Variants in CSMD1 observed in about 807,000 individuals in gnomAD.
The protein encoded by CSMD1 is CUB and sushi domain-containing protein 1.
Under a neutral mutation model 417.5 loss-of-function variants are expected in CSMD1, and 213 were observed. The observed-to-expected ratio is 0.51, with a 90% CI of 0.46 to 0.57. The LOEUF (loss-of-function observed/expected upper bound fraction) is 0.57. Ranked by LOEUF, CSMD1 falls within the 20% of genes least tolerant of loss-of-function variation. CSMD1 has a pLI of 0.00. For missense variants in CSMD1, 6,923 were observed against 4,529.7 expected (o/e 1.53, Z -15.17); for synonymous variants, 2,862 against 1,736.8 (o/e 1.65, Z -16.11).
chr8:4,881,212 A>G (rs12548031), intron 1 of CSMD1, among the ~76,000 whole-genome samples: 1,575 of 152,188 alleles, frequency 0.01, 12 homozygotes, highest in Non-Finnish European at 0.018. Flanking sequence ...TAAATTATAC[A>G]TAGGTCCATT....
chr8:4,924,760 T>C (rs931507785), intron 1 of CSMD1, among the ~76,000 whole-genome samples: 2 of 150,752 alleles, frequency 1.3e-5, no homozygotes, highest in Non-Finnish European at 3.0e-5. Flanking sequence ...CAAAAAACTT[T>C]TATAAACATT....
intron 65 of CSMD1, among the ~76,000 whole-genome samples, chr8:2,951,643 T>A (rs1186606488): frequency 3.3e-5 from 5 of 152,160 alleles, no homozygotes; most frequent in Admixed American, 6.5e-5. Flanking sequence ...ACCCATGAAA[T>A]CACTACTGAT....
chr8:3,955,338 C>CACAGAA (rs965674720), intron 5 of CSMD1, among the ~76,000 whole-genome samples: 3 of 152,160 alleles, frequency 2.0e-5, no homozygotes, highest in African/African-American at 7.2e-5. Flanking sequence ...CATGTTACGC[C>CACAGAA]ACAGAAACAA....
At chr8:3,989,752 A>T (rs868571012) in intron 5 of CSMD1, among the ~76,000 whole-genome samples, 1 of 152,212 alleles carries the variant, frequency 6.6e-6, no homozygotes, top group African/African-American at 2.4e-5. Flanking sequence ...GGGAAACGCT[A>T]ATGTTCTAGG....
chr8:3,666,678 G>A (rs1043569021), intron 7 of CSMD1, among the ~76,000 whole-genome samples: 1 of 152,148 alleles, frequency 6.6e-6, no homozygotes, highest in Non-Finnish European at 1.5e-5. Flanking sequence ...TCTCATGGTA[G>A]TGAATAAGTC....
At chr8:4,393,233 C>G (rs570008211) in intron 3 of CSMD1, among the ~76,000 whole-genome samples, 3 of 152,104 alleles carry the variant, frequency 2.0e-5, no homozygotes, top group Admixed American at 2.0e-4. Context: ...ACATCAGCCT[C>G]CCAAAGTGCT....
rs145149464 is a variant in CSMD1, at chr8:4,535,947, C to A, written c.302+101395G>T. Among the ~76,000 whole-genome samples, 681 of 152,160 alleles carry A rather than the reference C, an allele frequency of 4.5e-3. 4 individuals carry two copies. Among genetic ancestry groups the A allele is most frequent in the Non-Finnish European group, 6.9e-3 (467 of 68,016 alleles). ...ATAATAAGAATTGAGAAACTTAGAT[C>A]TTAACAATGTTGATGTAATTATTTG... On this transcript the variant is annotated intron_variant, in intron 2 of 69. Coordinates refer to ENST00000635120, the MANE Select transcript of CSMD1 (RefSeq NM_033225.6).
At chr8:4,450,562 G>T (rs1799081477) in intron 2 of CSMD1, among the ~76,000 whole-genome samples, 1 of 152,110 alleles carries the variant, frequency 6.6e-6, no homozygotes, top group African/African-American at 2.4e-5. Context: ...TTGAACCCGG[G>T]AGGCAGAGGT....
intron 10 of CSMD1, among the ~76,000 whole-genome samples, chr8:3,533,238 A>G (rs887787098): frequency 6.6e-6 from 1 of 152,212 alleles, no homozygotes; most frequent in Non-Finnish European, 1.5e-5. Context: ...CATTATTTTT[A>G]TTGATAAGGA....
At chr8:3,233,665 T>TC (rs1055204548) in intron 26 of CSMD1, among the ~76,000 whole-genome samples, 4 of 152,204 alleles carry the variant, frequency 2.6e-5, no homozygotes, top group Non-Finnish European at 4.4e-5. Flanking sequence ...CTCTTTTTTT[T>TC]CATGATTACA....
At chr8:4,311,083 C>G (rs1402299329) in intron 3 of CSMD1, among the ~76,000 whole-genome samples, 1 of 152,158 alleles carries the variant, frequency 6.6e-6, no homozygotes. Context: ...CTGTGGAAAG[C>G]AATGTGGCAT....
At chr8:4,309,158 T>G (rs1398035079) in intron 3 of CSMD1, among the ~76,000 whole-genome samples, 1 of 152,148 alleles carries the variant, frequency 6.6e-6, no homozygotes, top group African/African-American at 2.4e-5. Flanking sequence ...ATTCAACAAC[T>G]TTCTGAAGAT....
At chr8:3,857,926 C>T (rs547893762) in intron 5 of CSMD1, among the ~76,000 whole-genome samples, 1 of 152,316 alleles carries the variant, frequency 6.6e-6, no homozygotes, top group South Asian at 2.1e-4. Context: ...CTTTGGCTTC[C>T]AGCCAATCAA....
intron 5 of CSMD1, among the ~76,000 whole-genome samples, chr8:3,792,071 T>C (rs1255443764): frequency 2.6e-5 from 4 of 152,122 alleles, no homozygotes; most frequent in Non-Finnish European, 5.9e-5. Flanking sequence ...AATCTCTATG[T>C]TTTCCTCCTT....
At chr8:3,506,694 G>C (rs1159020175) in intron 10 of CSMD1, among the ~76,000 whole-genome samples, 1 of 152,142 alleles carries the variant, frequency 6.6e-6, no homozygotes, top group East Asian at 1.9e-4. Flanking sequence ...AATTTGGGGT[G>C]TCATGAAGAT....
intron 10 of CSMD1, among the ~76,000 whole-genome samples, chr8:3,538,022 G>A (rs140009017): frequency 6.6e-6 from 1 of 152,194 alleles, no homozygotes; most frequent in South Asian, 2.1e-4. Context: ...CTACAAGACT[G>A]TGGTAAACCC....
chr8:3,427,712 A>G (rs1290637535), intron 12 of CSMD1, among the ~76,000 whole-genome samples: 3 of 152,158 alleles, frequency 2.0e-5, no homozygotes, highest in African/African-American at 4.8e-5. Flanking sequence ...TTCAAATTCC[A>G]TGGAAATGTA....
chr8:3,038,376 T>C (rs182665220), intron 50 of CSMD1, among the ~76,000 whole-genome samples: 2 of 152,220 alleles, frequency 1.3e-5, no homozygotes, highest in South Asian at 4.1e-4. Context: ...TGAAAAATAG[T>C]ATGACTGATC....
intron 1 of CSMD1, among the ~76,000 whole-genome samples, chr8:4,895,736 T>C (rs991381905): frequency 1.3e-5 from 2 of 152,006 alleles, no homozygotes; most frequent in Non-Finnish European, 2.9e-5. Flanking sequence ...AAAGCCTCTA[T>C]TTTTCTAGTA....
Sources: allele counts gnomAD v4.1 joint callset (sites outside exome capture counted in the v4.1 genomes callset), GRCh38; gene constraint gnomAD v4.1.1; transcripts MANE v1.5; gene names NCBI Gene and HGNC (gene_info 2026-07-23, HGNC 2026-07-21).